BAZ2B: variants seen among roughly 807,000 people sequenced by gnomAD.
BAZ2B encodes bromodomain adjacent to zinc finger domain protein 2B.
Under a neutral mutation model 246.0 loss-of-function variants are expected in BAZ2B, and 91 were observed. That is an observed-to-expected ratio of 0.37 (90% CI 0.31 to 0.44). BAZ2B has a LOEUF of 0.44. Among genes scored for constraint, BAZ2B ranks in the 20% least tolerant of loss-of-function variants. BAZ2B has a pLI of 1.00. For missense variants in BAZ2B, 2,332 were observed against 2,533.7 expected (o/e 0.92, Z 1.71); for synonymous variants, 855 against 860.0 (o/e 0.99, Z 0.10).
chr2:159,342,950 A>C (rs745459490), intron 31 of BAZ2B, among the ~76,000 whole-genome samples: 8 of 152,260 alleles, frequency 5.3e-5, no homozygotes, highest in Non-Finnish European at 1.2e-4. Flanking sequence ...AAAAGACTGA[A>C]TAGCTAAAGC....
At chr2:159,370,525 C>T (rs2060729391) in intron 27 of BAZ2B, among the ~76,000 whole-genome samples, 1 of 151,788 alleles carries the variant, frequency 6.6e-6, no homozygotes. Context: ...CGCCCGCCAC[C>T]ACGCCCGGCT....
chr2:159,469,602 A>T (rs1480470933), intron 3 of BAZ2B, among the ~76,000 whole-genome samples: 1 of 151,826 alleles, frequency 6.6e-6, no homozygotes, highest in African/African-American at 2.4e-5. Flanking sequence ...TGCCTGGCTA[A>T]TTTTTTATAT....
At chr2:159,400,849 G>C (rs1231306771) in intron 16 of BAZ2B, among the ~76,000 whole-genome samples, 185 bp from the exon 17 acceptor site, 1 of 152,076 alleles carries the variant, frequency 6.6e-6, no homozygotes, top group African/African-American at 2.4e-5. Flanking sequence ...GACCATCCTG[G>C]CTAACACAGT....
At chr2:159,706,830 T>A in the BAZ2B span, among the ~76,000 whole-genome samples, 1 of 152,222 alleles carries the variant, frequency 6.6e-6, no homozygotes, top group Non-Finnish European at 1.5e-5. Flanking sequence ...GAAGGTATTT[T>A]GTAGAAGTGG....
At chr2:159,324,325 T>C (rs965947358) in intron 36 of BAZ2B, among the ~76,000 whole-genome samples, 1 of 152,218 alleles carries the variant, frequency 6.6e-6, no homozygotes, top group Non-Finnish European at 1.5e-5. Context: ...TAACTCACAT[T>C]AAAGCTCTTA....
intron 18 of BAZ2B, among the ~76,000 whole-genome samples, chr2:159,398,580 C>T (rs2064437864): frequency 6.6e-6 from 1 of 151,986 alleles, no homozygotes; most frequent in South Asian, 2.1e-4. Context: ...TATTAAGCAA[C>T]AATTTGCATT....
chr2:159,385,933 C>T (rs1247744528), intron 22 of BAZ2B, among the ~76,000 whole-genome samples: 2 of 152,118 alleles, frequency 1.3e-5, no homozygotes, highest in Non-Finnish European at 2.9e-5. Flanking sequence ...TGAGGATCCA[C>T]TGAGCAGCAC....
chr2:159,508,030 C>T (rs2082514312), intron 2 of BAZ2B, among the ~76,000 whole-genome samples: 1 of 152,080 alleles, frequency 6.6e-6, no homozygotes. Flanking sequence ...GCCACCATGC[C>T]CAGCTAATTT....
chr2:159,509,312 A>C (rs922876576), intron 2 of BAZ2B, among the ~76,000 whole-genome samples: 8 of 152,164 alleles, frequency 5.3e-5, no homozygotes, highest in Admixed American at 4.6e-4. Flanking sequence ...TACTTGTGGA[A>C]ACATCCTTTT....
At chr2:159,402,494 C>A (rs2065244047) in intron 16 of BAZ2B, among the ~76,000 whole-genome samples, 1 of 151,388 alleles carries the variant, frequency 6.6e-6, no homozygotes, top group African/African-American at 2.4e-5. Context: ...AAACAAAACC[C>A]AAAACCCCAA....
At chr2:159,666,229 G>C in the BAZ2B span, among the ~76,000 whole-genome samples, 1 of 149,712 alleles carries the variant, frequency 6.7e-6, no homozygotes, top group Non-Finnish European at 1.5e-5. Context: ...TTTAAAAAAA[G>C]GCCAATTTAT....
chr2:159,580,470 C>G (rs181350060), intron 1 of BAZ2B, among the ~76,000 whole-genome samples: 7 of 152,240 alleles, frequency 4.6e-5, no homozygotes, highest in Middle Eastern at 6.8e-3. Context: ...GAACCAATAT[C>G]GTGAAAATGG....
At chr2:159,360,051 A>G (rs756093831) in intron 27 of BAZ2B, among the ~76,000 whole-genome samples, 8 of 152,228 alleles carry the variant, frequency 5.3e-5, no homozygotes, top group Non-Finnish European at 7.3e-5. Context: ...GGCACAAGAC[A>G]AGGATGCCCT....
chr2:159,555,728 A>G (rs1296306652), intron 2 of BAZ2B, 95 bp downstream of exon 2: 1 of 152,240 alleles, frequency 6.6e-6, no homozygotes, highest in African/African-American at 2.4e-5. Context: ...AGCAAAAGAA[A>G]TAATAATTTC....
At chr2:159,501,166 A>ATATTTTT (rs1178970627) in intron 2 of BAZ2B, among the ~76,000 whole-genome samples, 63 of 88,162 alleles carry the variant, frequency 7.1e-4, no homozygotes, top group Admixed American at 1.4e-3. Flanking sequence ...ATAAATATAT[A>ATATTTTT]ATATATATTA....
At chr2:159,323,632 G>A (rs1319453885) in intron 36 of BAZ2B, among the ~76,000 whole-genome samples, 1 of 151,854 alleles carries the variant, frequency 6.6e-6, no homozygotes, top group Admixed American at 6.6e-5. Context: ...GTGAAACCCT[G>A]TTTATACTAA....
At position 159,320,088 on chromosome 2, in the gene BAZ2B, T is replaced by G; in HGVS notation, c.*177A>C. 1.9e-6 allele frequency: 1 copy of G among 528,692 alleles called. No individual in the cohort carries two copies. Among genetic ancestry groups the G allele is most frequent in the Non-Finnish European group, 3.0e-6 (1 of 334,442 alleles). 32.8% of individuals were successfully genotyped at this position (528,692 alleles called of 1,614,324 possible). A position where few individuals can be genotyped will look rare whatever the true frequency, so the allele number is the denominator to read the frequency against. ...ACAAACCAATAACCGAGGGCCTTGG[T>G]TGTTGTAGGAATGAAGCCTTTAAAA... is the stretch of plus-strand genomic sequence containing the variant. On this transcript the variant is annotated 3_prime_UTR_variant, in exon 37 of 37. Transcript: ENST00000392783.
intron 3 of BAZ2B, among the ~76,000 whole-genome samples, chr2:159,465,393 T>TTA (rs2076915875): frequency 6.6e-6 from 1 of 152,228 alleles, no homozygotes; most frequent in Non-Finnish European, 1.5e-5. Context: ...GGTTAGGATT[T>TTA]TAACCTATGT....
intron 2 of BAZ2B, among the ~76,000 whole-genome samples, chr2:159,534,479 A>AT (rs1311579532): frequency 2.0e-5 from 3 of 152,242 alleles, no homozygotes; most frequent in Non-Finnish European, 2.9e-5. Flanking sequence ...ATAGGTAAAC[A>AT]TATCTAAACA....
Sources: gnomAD v4.1 joint callset for allele counts (sites outside exome capture counted in the v4.1 genomes callset) on GRCh38, gnomAD v4.1.1 for gene constraint, MANE v1.5 for transcripts, NCBI Gene and HGNC (gene_info 2026-07-23, HGNC 2026-07-21) for gene names.